Variants in GALNT17 observed in about 807,000 individuals in gnomAD.
GALNT17 encodes the protein polypeptide N-acetylgalactosaminyltransferase 17.
Under a neutral mutation model 63.7 loss-of-function variants are expected in GALNT17, and 29 were observed. The observed-to-expected ratio is 0.46, with a 90% CI of 0.34 to 0.62. The LOEUF (loss-of-function observed/expected upper bound fraction) is 0.62. GALNT17 is among the 20% of genes least tolerant of loss of function. The pLI is 0.01. For missense variants in GALNT17, 603 were observed against 799.6 expected (o/e 0.75, Z 2.97); for synonymous variants, 305 against 318.3 (o/e 0.96, Z 0.45).
At chr7:71,253,029 T>C (rs1790227990) in intron 1 of GALNT17, among the ~76,000 whole-genome samples, 1 of 152,234 alleles carries the variant, frequency 6.6e-6, no homozygotes, top group Non-Finnish European at 1.5e-5. Flanking sequence ...AAAAATGCTC[T>C]GTGTGCAAGA....
intron 1 of GALNT17, among the ~76,000 whole-genome samples, chr7:71,185,857 T>C (rs1012081359): frequency 6.6e-6 from 1 of 152,196 alleles, no homozygotes; most frequent in African/African-American, 2.4e-5. Context: ...AAAATGCAGC[T>C]AATAATCATA....
rs1788206540 is a variant in GALNT17 at position 71,154,924 on chromosome 7, A to G, written c.238+21884A>G. Reference sequence around the variant, plus strand: ...TCTTTCTTAAAGTATCCAGCACCGTAATGAAGATTTTATATATAAAAGTGG... The same window carrying G: ...TCTTTCTTAAAGTATCCAGCACCGTGATGAAGATTTTATATATAAAAGTGG... On this transcript the variant is annotated intron_variant, in intron 1 of 10. Transcript: ENST00000333538. Among the ~76,000 whole-genome samples the G allele has an allele frequency of 1.3e-5, 2 of 151,772 alleles. 1 individual carries two copies. The highest frequency in any genetic ancestry group is 4.9e-5 in the African/African-American group (2 of 41,110).
At position 71,377,114 on chromosome 7, in the gene GALNT17, A is replaced by AT. The variant is rs1554362120; in HGVS notation, c.423-11121_423-11120insT. Among the ~76,000 whole-genome samples the AT allele has an allele frequency of 8.6e-3, 495 of 57,432 alleles. 44 individuals carry two copies. Among genetic ancestry groups the AT allele is most frequent in the East Asian group, 0.017 (36 of 2,156 alleles). The allele number at this position is 57,432 out of a possible 152,430, so 37.7% of individuals were successfully genotyped here. On this transcript the variant is annotated intron_variant, in intron 2 of 10. Coordinates refer to ENST00000333538, the MANE Select transcript of GALNT17 (RefSeq NM_022479.3). Reference sequence around the variant, plus strand: ...AAAAAAAAAAAATAAAAATAAAAAAAATATATATATATATATATATATATA... The same window carrying AT: ...AAAAAAAAAAAATAAAAATAAAAAAATATATATATATATATATATATATATA...
At chr7:71,488,626 C>CTGGAG (rs1354902798) in intron 5 of GALNT17, among the ~76,000 whole-genome samples, 1 of 138,214 alleles carries the variant, frequency 7.2e-6, no homozygotes, top group African/African-American at 2.7e-5. Context: ...ATTGCCCAAG[C>CTGGAG]TGGAGTGCAG....
At chr7:71,565,903 G>T (rs1322523382) in intron 5 of GALNT17, among the ~76,000 whole-genome samples, 1 of 149,910 alleles carries the variant, frequency 6.7e-6, no homozygotes, top group Admixed American at 6.7e-5. Flanking sequence ...GAGTGCAGTG[G>T]TGTGATCTCG....
chr7:71,288,989 G>C (rs1417151460), intron 1 of GALNT17, among the ~76,000 whole-genome samples: 1 of 152,106 alleles, frequency 6.6e-6, no homozygotes, highest in Non-Finnish European at 1.5e-5. Flanking sequence ...GGAAATTGAG[G>C]TCTGGTGACG....
chr7:71,629,047 G>A (rs894002531), intron 6 of GALNT17, among the ~76,000 whole-genome samples: 2 of 152,200 alleles, frequency 1.3e-5, no homozygotes, highest in Admixed American at 1.3e-4. Context: ...GGCACTGAGG[G>A]TAGAGAAGCA....
intron 1 of GALNT17, among the ~76,000 whole-genome samples, chr7:71,229,007 G>T (rs1463161240): frequency 6.6e-6 from 1 of 152,178 alleles, no homozygotes; most frequent in African/African-American, 2.4e-5. Context: ...CAGGGCTGGG[G>T]CTTGGTTCTG....
chr7:71,454,128 A>T (rs182578436), intron 5 of GALNT17, among the ~76,000 whole-genome samples: 14 of 152,284 alleles, frequency 9.2e-5, no homozygotes, highest in African/African-American at 3.1e-4. Context: ...GTTCCAGGGT[A>T]CATGTGCAGG....
intron 5 of GALNT17, among the ~76,000 whole-genome samples, chr7:71,450,138 G>GT (rs1563101988): frequency 4.1e-5 from 4 of 97,756 alleles, no homozygotes; most frequent in East Asian, 3.9e-4. Flanking sequence ...AGTATTTAAA[G>GT]ATTTTTTTTT....
At chr7:71,320,855 A>G (rs1473956452) in intron 1 of GALNT17, among the ~76,000 whole-genome samples, 1 of 152,146 alleles carries the variant, frequency 6.6e-6, no homozygotes, top group African/African-American at 2.4e-5. Flanking sequence ...CTTCTATGAT[A>G]TGACCAGAAT....
At chr7:71,502,967 TCTG>T (rs1016403385) in intron 5 of GALNT17, among the ~76,000 whole-genome samples, 6 of 152,184 alleles carry the variant, frequency 3.9e-5, no homozygotes, top group Non-Finnish European at 8.8e-5. Flanking sequence ...TGTTGAAATG[TCTG>T]CTTTCTTGGT....
intron 5 of GALNT17, among the ~76,000 whole-genome samples, chr7:71,570,595 T>G (rs1394082465): frequency 6.6e-6 from 1 of 152,132 alleles, no homozygotes; most frequent in African/African-American, 2.4e-5. Flanking sequence ...GACCGCTTCC[T>G]ATGTGTGCAG....
chr7:71,582,931 A>G (rs1010185809), intron 6 of GALNT17, among the ~76,000 whole-genome samples: 1 of 152,198 alleles, frequency 6.6e-6, no homozygotes, highest in Non-Finnish European at 1.5e-5. Flanking sequence ...TTACTCAGGT[A>G]ACCAAACACC....
chr7:71,373,099 A>G (rs1792656197), intron 2 of GALNT17, among the ~76,000 whole-genome samples: 1 of 152,182 alleles, frequency 6.6e-6, no homozygotes, highest in Admixed American at 6.5e-5. Context: ...TATATTGAGG[A>G]AAAACTCAGT....
chr7:71,566,580 C>A (rs1287080422), intron 5 of GALNT17, among the ~76,000 whole-genome samples: 1 of 152,054 alleles, frequency 6.6e-6, no homozygotes, highest in Admixed American at 6.6e-5. Context: ...ACTAGCATAT[C>A]TCCATAACTC....
chr7:71,197,978 A>T (rs1789087819), intron 1 of GALNT17, among the ~76,000 whole-genome samples: 1 of 152,016 alleles, frequency 6.6e-6, no homozygotes, highest in African/African-American at 2.4e-5. Flanking sequence ...TGGGCGGATC[A>T]CCAGAGGTTG....
chr7:71,239,176 TG>T (rs1789948246), intron 1 of GALNT17, among the ~76,000 whole-genome samples: 1 of 152,156 alleles, frequency 6.6e-6, no homozygotes, highest in African/African-American at 2.4e-5. Context: ...AAATATTGTT[TG>T]GGCTGGGCAC....
intron 2 of GALNT17, among the ~76,000 whole-genome samples, chr7:71,383,670 G>T (rs2116326754): frequency 6.6e-6 from 1 of 152,256 alleles, no homozygotes; most frequent in Non-Finnish European, 1.5e-5. Context: ...CTGGCCTCTA[G>T]CACTCTTCCC....
Sources: allele counts gnomAD v4.1 joint callset (sites outside exome capture counted in the v4.1 genomes callset), GRCh38; gene constraint gnomAD v4.1.1; transcripts MANE v1.5; gene names NCBI Gene and HGNC (gene_info 2026-07-23, HGNC 2026-07-21).